KCNK10: variants seen among roughly 807,000 people sequenced by gnomAD.
KCNK10 encodes potassium channel subfamily K member 10.
KCNK10 carries 25 observed loss-of-function variants against 47.7 expected under a neutral mutation model. The ratio of observed to expected loss-of-function variants is 0.52; its 90% CI spans 0.38 to 0.73. The LOEUF (loss-of-function observed/expected upper bound fraction) is 0.73. Among genes scored for constraint, KCNK10 ranks in the 30% least tolerant of loss-of-function variants. The pLI is 0.00. For missense variants in KCNK10, 563 were observed against 714.5 expected, an observed-to-expected ratio of 0.79 and a Z score of 2.42; for synonymous variants, 303 against 285.6, an observed-to-expected ratio of 1.06 and a Z score of -0.61.
chr14:88,307,387 C>T (rs1888226067), intron 1 of KCNK10, among the ~76,000 whole-genome samples: 1 of 151,812 alleles, frequency 6.6e-6, no homozygotes. Context: ...ATGCCATTTA[C>T]ATGAAATGCC....
At chr14:88,280,840 C>A (rs887974579) in intron 1 of KCNK10, among the ~76,000 whole-genome samples, 1 of 152,146 alleles carries the variant, frequency 6.6e-6, no homozygotes, top group Admixed American at 6.5e-5. Flanking sequence ...TCTCTCAGGT[C>A]TCCCCACTTT....
intron 1 of KCNK10, among the ~76,000 whole-genome samples, chr14:88,277,554 T>C: frequency 6.6e-6 from 1 of 150,826 alleles, no homozygotes; most frequent in East Asian, 2.0e-4. Context: ...AACCTACAAA[T>C]CCATTCATCT....
At chr14:88,303,296 A>T (rs1888140608) in intron 1 of KCNK10, among the ~76,000 whole-genome samples, 1 of 152,194 alleles carries the variant, frequency 6.6e-6, no homozygotes, top group Non-Finnish European at 1.5e-5. Context: ...CACTTGTATC[A>T]GGACATTCTG....
intron 4 of KCNK10, among the ~76,000 whole-genome samples, chr14:88,222,151 C>T (rs950908518): frequency 1.3e-5 from 2 of 152,220 alleles, no homozygotes; most frequent in South Asian, 4.2e-4. Context: ...GAGGAAGAAG[C>T]AAAAGCAGAA....
chr14:88,273,891 GT>G (rs1887466185), intron 1 of KCNK10, among the ~76,000 whole-genome samples: 1 of 152,208 alleles, frequency 6.6e-6, no homozygotes, highest in Non-Finnish European at 1.5e-5. Context: ...GGGATTAAAA[GT>G]AATACAAGCA....
intron 2 of KCNK10, among the ~76,000 whole-genome samples, chr14:88,244,534 T>C (rs1036196304): frequency 6.6e-6 from 1 of 151,870 alleles, no homozygotes; most frequent in Non-Finnish European, 1.5e-5. Flanking sequence ...CCAGGCGTGG[T>C]GGCGGGCGCT....
At chr14:88,250,133 T>C (rs1886754090) in intron 2 of KCNK10, among the ~76,000 whole-genome samples, 1 of 152,208 alleles carries the variant, frequency 6.6e-6, no homozygotes, top group Non-Finnish European at 1.5e-5. Flanking sequence ...TTTTAGAACA[T>C]TGAATTCTCA....
At chr14:88,223,039 C>T (rs531211127) in intron 4 of KCNK10, among the ~76,000 whole-genome samples, 2 of 152,188 alleles carry the variant, frequency 1.3e-5, no homozygotes, top group Non-Finnish European at 2.9e-5. Context: ...GTGCTTAAAA[C>T]TCTGACAAAC....
chr14:88,302,809 G>T (rs747737211), intron 1 of KCNK10, among the ~76,000 whole-genome samples: 1 of 152,154 alleles, frequency 6.6e-6, no homozygotes, highest in Non-Finnish European at 1.5e-5. Context: ...GGGGTGGCTG[G>T]CTGTCAAAAT....
chr14:88,192,954 C>T (rs1296493433), intron 4 of KCNK10, among the ~76,000 whole-genome samples: 1 of 152,204 alleles, frequency 6.6e-6, no homozygotes, highest in African/African-American at 2.4e-5. Flanking sequence ...CCCATCTTCA[C>T]CTGTGACCGA....
In KCNK10 at chr14:88,273,942, G is replaced by T. The variant is rs547742691; in HGVS notation, c.53-10391C>A. The stretch of plus-strand genomic sequence containing the variant: ...AATATCCCCTTTCCCTGGGGCCAAG[G>T]GTTTTAAATCTTATTGTCAACGCCA... On this transcript the variant is annotated intron_variant, in intron 1 of 6. Coordinates refer to ENST00000319231, the MANE Select transcript of KCNK10 (RefSeq NM_138317.3). 1.9e-4 allele frequency among the ~76,000 whole-genome samples: 29 copies of T among 152,206 alleles called. 1 individual carries two copies. In the South Asian group the frequency reaches 5.4e-3, roughly 28 times the overall value.
chr14:88,266,779 A>G (rs1049755554), intron 1 of KCNK10, among the ~76,000 whole-genome samples: 1 of 152,320 alleles, frequency 6.6e-6, no homozygotes, highest in Non-Finnish European at 1.5e-5. Flanking sequence ...GGTAACCAAC[A>G]TTAGCTTAAA....
At chr14:88,312,011 T>G (rs17124481) in intron 1 of KCNK10, among the ~76,000 whole-genome samples, 29,947 of 151,954 alleles carry the variant, frequency 0.2, 3,148 homozygotes, top group East Asian at 0.28. Context: ...GCCCCAGGCA[T>G]CTCCATTCAA....
chr14:88,291,897 A>G (rs1170601635), intron 1 of KCNK10, among the ~76,000 whole-genome samples: 1 of 151,486 alleles, frequency 6.6e-6, no homozygotes, highest in Non-Finnish European at 1.5e-5. Flanking sequence ...GCTACATCAA[A>G]GCCTTCAGAA....
chr14:88,295,775 A>G (rs554318525), intron 1 of KCNK10, among the ~76,000 whole-genome samples: 1 of 152,326 alleles, frequency 6.6e-6, no homozygotes, highest in Non-Finnish European at 1.5e-5. Flanking sequence ...AGTATCAGAA[A>G]CATAATTAAA....
In KCNK10 at chr14:88,281,736, AT is replaced by A. The variant is rs896100142; in HGVS notation, c.53-18186del. On this transcript the variant is annotated intron_variant, in intron 1 of 6. Coordinates refer to ENST00000319231, the MANE Select transcript of KCNK10 (RefSeq NM_138317.3). ...TCTCTCTCTCTCTCTCCATATATAT[AT>A]ATATATATATATATACACATACACA... Among the ~76,000 whole-genome samples the A allele has an allele frequency of 2.9e-3, 429 of 150,046 alleles. 1 individual carries two copies. Among genetic ancestry groups the A allele is most frequent in the Middle Eastern group, 0.01 (3 of 286 alleles).
At chr14:88,210,548 A>G (rs191659674) in intron 4 of KCNK10, among the ~76,000 whole-genome samples, 106 of 152,354 alleles carry the variant, frequency 7.0e-4, no homozygotes, top group Non-Finnish European at 6.8e-4. Context: ...ATCCGTATGC[A>G]GAGGCCCTAG....
intron 2 of KCNK10, among the ~76,000 whole-genome samples, chr14:88,261,984 T>G (rs1174727247): frequency 6.6e-6 from 1 of 152,218 alleles, no homozygotes; most frequent in Admixed American, 6.5e-5. Flanking sequence ...AGAATATGAT[T>G]GCTATGAAGG....
chr14:88,182,331 G>A lies in KCNK10; in HGVS notation c.*3204C>T, dbSNP rs1418813652. On this transcript the variant is annotated 3_prime_UTR_variant, in exon 7 of 7. Transcript: ENST00000319231. ...TTTCTCCTAGGTTTATGCTGGAATG[G>A]GAGTGCAGATTGGAAAGGGGGGGCT... 1 of 152,304 alleles carries A rather than the reference G, an allele frequency of 6.6e-6. No homozygotes were observed. The highest frequency in any genetic ancestry group is 1.5e-5 in the Non-Finnish European group (1 of 68,032). 9.4% of individuals were successfully genotyped at this position (152,304 alleles called of 1,614,324 possible). A position where few individuals can be genotyped will look rare whatever the true frequency, so the allele number is the denominator to read the frequency against.
Sources: gnomAD v4.1 joint callset for allele counts (sites outside exome capture counted in the v4.1 genomes callset) on GRCh38, gnomAD v4.1.1 for gene constraint, MANE v1.5 for transcripts, NCBI Gene and HGNC (gene_info 2026-07-23, HGNC 2026-07-21) for gene names.